XAF1: variants seen among roughly 807,000 people sequenced by gnomAD.
XAF1 encodes the protein XIAP-associated factor 1.
Under a neutral mutation model 32.3 loss-of-function variants are expected in XAF1, and 32 were observed. The observed-to-expected ratio is 0.99, with a 90% CI of 0.75 to 1.33. XAF1 has a LOEUF of 1.33. Ranked by LOEUF, XAF1 falls within the 40% of genes most tolerant of loss-of-function variation. The pLI, the probability that XAF1 is intolerant of heterozygous loss-of-function variation, is 0.00. For missense variants in XAF1, 379 were observed against 366.0 expected (o/e 1.04, Z -0.29); for synonymous variants, 120 against 125.9 (o/e 0.95, Z 0.31).
chr17:6,758,539 G>A (rs899130043), intron 2 of XAF1: 15 of 420,558 alleles, frequency 3.6e-5, no homozygotes, highest in African/African-American at 2.9e-4. Flanking sequence ...GGACAGATGG[G>A]GTCTGAGAGT....
At position 6,766,531 on chromosome 17, in the gene XAF1, C is replaced by T. The variant is rs141866497; in HGVS notation, c.508-4112C>T. On this transcript the variant is annotated intron_variant, in intron 5 of 6. Coordinates refer to ENST00000361842, the MANE Select transcript of XAF1 (RefSeq NM_017523.5). ...TTTTATACCACCCATCCCACACACA[C>T]ACCTCCAAAGTTCTTCATTTCATCC... is the stretch of plus-strand genomic sequence containing the variant. Among the ~76,000 whole-genome samples the T allele has an allele frequency of 3.0e-4, 45 of 152,340 alleles. No individual in the cohort carries two copies. In the East Asian group the frequency reaches 7.7e-3, roughly 26 times the overall value.
intron 4 of XAF1, among the ~76,000 whole-genome samples, chr17:6,760,812 G>A (rs1247673109): frequency 6.6e-6 from 1 of 152,220 alleles, no homozygotes; most frequent in Non-Finnish European, 1.5e-5. Context: ...GGTCCAGGGA[G>A]ACTAGGAGGC....
chr17:6,762,994 C>T (rs908848321), intron 5 of XAF1, among the ~76,000 whole-genome samples: 5 of 152,216 alleles, frequency 3.3e-5, no homozygotes, highest in African/African-American at 1.2e-4. Flanking sequence ...TTGTGGTAAA[C>T]CACGTATAAT....
At position 6,768,209 on chromosome 17, in the gene XAF1, C is replaced by T. The variant is rs186270339; in HGVS notation, c.508-2434C>T. 1.3e-4 allele frequency among the ~76,000 whole-genome samples: 19 copies of T among 151,750 alleles called. No individual in the cohort carries two copies. The East Asian group carries it at 1.4e-3, about 11-fold the overall frequency. ...CACGATCTTGGCTCACTGCAGCCTT[C>T]GCCTCCTGGGTTCAAGCAGTTCTCC... On this transcript the variant is annotated intron_variant, in intron 5 of 6. Coordinates refer to ENST00000361842, the MANE Select transcript of XAF1 (RefSeq NM_017523.5).
chr17:6,773,055 T>C, intron 6 of XAF1, 58 bp from the exon 7 acceptor site: 3 of 1,426,370 alleles, frequency 2.1e-6, no homozygotes, highest in Non-Finnish European at 2.9e-6. Context: ...AGAGATATTC[T>C]AGGAGCTAGC....
chr17:6,765,017 C>T (rs1975489982), intron 5 of XAF1, among the ~76,000 whole-genome samples: 6 of 152,192 alleles, frequency 3.9e-5, no homozygotes. Context: ...CTCTACCTCC[C>T]CAGCCTCTTA....
In XAF1 at chr17:6,770,907, A is replaced by T. The variant is rs1177276178; in HGVS notation, c.772A>T (p.Lys258Ter). 3 of 1,614,180 alleles carry T rather than the reference A, an allele frequency of 1.9e-6. No individual in the cohort carries two copies. Among genetic ancestry groups the T allele is most frequent in the Middle Eastern group, 1.6e-4 (1 of 6,062 alleles). Residue 258 changes from lysine (K) to a stop codon, truncating the protein, a stop_gained, in exon 6 of 7, where the codon AAA (lysine) becomes TAA (stop). Transcript: ENST00000361842. LOFTEE classifies it high-confidence loss of function. ...KPRTSSPRGD[K>*]AAYDILRRCS... The stretch of plus-strand genomic sequence containing the variant: ...CAGGACCAGCTCCCCTAGAGGAGAT[A>T]AAGCAGCCTATGACATTCTGAGGAG...
At chr17:6,764,526 C>A (rs1369778897) in intron 5 of XAF1, among the ~76,000 whole-genome samples, 1 of 152,060 alleles carries the variant, frequency 6.6e-6, no homozygotes, top group African/African-American at 2.4e-5. Flanking sequence ...TAAAGGGGTA[C>A]CACTATTGAA....
chr17:6,755,936 G>A, upstream of XAF1: 1 of 1,535,894 alleles, frequency 6.5e-7, no homozygotes, highest in Non-Finnish European at 8.7e-7. Flanking sequence ...CCAGCCTCAG[G>A]AATCAAGGGG....
At chr17:6,760,874 G>C (rs908163913) in intron 4 of XAF1, among the ~76,000 whole-genome samples, 2 of 152,218 alleles carry the variant, frequency 1.3e-5, no homozygotes, top group African/African-American at 2.4e-5. Context: ...CATGGAGAAG[G>C]CTGGGCGGGG....
At chr17:6,770,122 G>T (rs1296475953) in intron 5 of XAF1, among the ~76,000 whole-genome samples, 1 of 152,160 alleles carries the variant, frequency 6.6e-6, no homozygotes, top group African/African-American at 2.4e-5. Context: ...CATTTGTGCT[G>T]CTATAACAGG....
rs552044446 is a variant in XAF1, at chr17:6,759,305, C to A, written c.169-357C>A. 6.6e-6 allele frequency: 8 copies of A among 1,215,234 alleles called. No individual in the cohort carries two copies. The South Asian group carries it at 2.3e-4, about 35-fold the overall frequency. The allele number at this position is 1,215,234 out of a possible 1,614,324, so 75.3% of individuals were successfully genotyped here. ...AGGTTCTGGTTTCAGGAAAGACTGG[C>A]TGTTCTCTTGAGATCTGTAAAGAGA... On this transcript the variant is annotated intron_variant, in intron 2 of 6. Transcript: ENST00000361842.
At chr17:6,764,736 AG>A (rs35643994) in intron 5 of XAF1, among the ~76,000 whole-genome samples, 4,711 of 152,252 alleles carry the variant, frequency 0.031, 119 homozygotes, top group Non-Finnish European at 0.05. Context: ...TCCCCTCCGT[AG>A]AAAAACATTT....
In XAF1 at chr17:6,756,257, G is replaced by T. The variant is rs1487778769; in HGVS notation, c.32+147G>T. On this transcript the variant is annotated intron_variant, in intron 1 of 6. Transcript: ENST00000361842. ...CAGCTGGAGACCGTGGGCCCCAAGG[G>T]TAGGAGGGTTTAAACTTGGTAATCT... 216 of 1,379,788 alleles carry T rather than the reference G, an allele frequency of 1.6e-4. No homozygotes were observed. Among genetic ancestry groups the T allele is most frequent in the East Asian group, 5.0e-4 (15 of 30,072 alleles). 85.5% of individuals were successfully genotyped at this position (1,379,788 alleles called of 1,614,324 possible).
Position 6,770,782 on chromosome 17 carries a change from G to A in XAF1, c.647G>A (p.Ser216Asn), listed in dbSNP as rs1975969328. Reference protein sequence around the residue: ...MEKDVRPKTRSINRFPLHSES... With the variant: ...MEKDVRPKTRNINRFPLHSES... ...AAAGATGTTCGTCCAAAGACAAGAAGTATAAACAGATTTCCTCTTCATTCT... is the reference window on the plus strand; with the variant it reads ...AAAGATGTTCGTCCAAAGACAAGAAATATAAACAGATTTCCTCTTCATTCT... Residue 216 changes from serine (S) to asparagine (N), a missense_variant, in exon 6 of 7, where the codon AGT becomes AAT. Transcript: ENST00000361842. 1 of 1,613,916 alleles carries A rather than the reference G, an allele frequency of 6.2e-7. No individual in the cohort carries two copies. Among genetic ancestry groups the A allele is most frequent in the Non-Finnish European group, 8.5e-7 (1 of 1,180,006 alleles).
intron 4 of XAF1, 70 bp downstream of exon 4, chr17:6,760,671 G>A: frequency 1.4e-6 from 2 of 1,465,746 alleles, no homozygotes; most frequent in African/African-American, 1.4e-5. Context: ...GGGATGCAAG[G>A]AAGGGAAGCT....
intron 6 of XAF1, 186 bp downstream of exon 6, chr17:6,771,170 C>G: frequency 1.8e-6 from 1 of 559,452 alleles, no homozygotes; most frequent in Non-Finnish European, 3.1e-6. Flanking sequence ...TTTGCATCAC[C>G]TCCGAGAGAC....
rs1242326018 is a variant in XAF1, at chr17:6,758,151, T to G, written c.95T>G (p.Val32Gly). ...LHEAYCLRFL[V>G]LCPECEEPVP... is the part of the protein sequence containing the mutation. ...GAGGCTTACTGCCTGCGGTTCCTGG[T>G]CCTGTGTCCGGAGTGTGAGGAGCCT... Residue 32 changes from valine to glycine, a missense_variant, in exon 2 of 7, where the codon GTC (valine) becomes GGC (glycine). By Grantham distance (109) the Val-to-Gly change is moderately radical. Transcript: ENST00000361842. 1.9e-5 allele frequency: 31 copies of G among 1,614,238 alleles called. No homozygotes were observed. The highest frequency in any genetic ancestry group is 2.0e-5 in the Non-Finnish European group (24 of 1,180,046).
chr17:6,759,443 C>T, intron 2 of XAF1: 3 of 1,419,268 alleles, frequency 2.1e-6, no homozygotes, highest in Non-Finnish European at 2.8e-6. Flanking sequence ...TACTCAAGCT[C>T]AGGCAGCCGT....
Sources: allele counts gnomAD v4.1 joint callset (sites outside exome capture counted in the v4.1 genomes callset), GRCh38; gene constraint gnomAD v4.1.1; transcripts MANE v1.5; gene names NCBI Gene and HGNC (gene_info 2026-07-23, HGNC 2026-07-21).